PLEKHG6: variants seen among roughly 807,000 people sequenced by gnomAD.
PLEKHG6 encodes the protein pleckstrin homology domain-containing family G member 6.
In PLEKHG6, 91 loss-of-function variants were observed where a neutral mutation model predicts 97.5. The ratio of observed to expected loss-of-function variants is 0.93; its 90% confidence interval spans 0.79 to 1.11. The LOEUF (loss-of-function observed/expected upper bound fraction) is 1.11. Ranked by LOEUF, PLEKHG6 falls within the 50% of genes most tolerant of loss-of-function variation. The pLI, the probability that PLEKHG6 is intolerant of heterozygous loss-of-function variation, is 0.00. For synonymous variants in PLEKHG6, 466 were observed against 425.5 expected, an observed-to-expected ratio of 1.10 and a Z score of -1.17; for missense variants, 1,044 against 1,031.0, an observed-to-expected ratio of 1.01 and a Z score of -0.17.
In PLEKHG6 at chr12:6,327,721, GGGA is replaced by G; in HGVS notation, c.2145_2147del (p.Glu718del). 6.4e-7 allele frequency: 1 copy of G among 1,556,998 alleles called. No individual in the cohort carries two copies. Among genetic ancestry groups the G allele is most frequent in the Non-Finnish European group, 8.7e-7 (1 of 1,154,464 alleles). On this transcript the variant is annotated inframe_deletion, in exon 15 of 16. Coordinates refer to ENST00000684764, the MANE Select transcript of PLEKHG6 (RefSeq NM_001384598.1). ...GGGGAAAGCCCCTGGGAGTCCTCAG[GGGA>G]GGAGGAAGAAGAGGGGCCTCTGTTC...
rs138803770 is a variant in PLEKHG6, at chr12:6,327,380, G to A, written c.1797G>A (p.Thr599=). 3.2e-5 allele frequency: 51 copies of A among 1,613,962 alleles called. No individual in the cohort carries two copies. The African/African-American group carries it at 5.1e-4, about 16-fold the overall frequency. The change falls in exon 15 of 16, where the codon ACG becomes ACA. Residue 599 remains threonine, a synonymous_variant. Coordinates refer to ENST00000684764, the MANE Select transcript of PLEKHG6 (RefSeq NM_001384598.1). ...GYGTLIPGTP[T]GSRSPLSRLR... is the part of the protein sequence containing the mutation. ...GCACTTTGATCCCAGGCACCCCCACGGGGTCCCGCTCCCCACTGAGCCGTC... is the reference window on the plus strand; with the variant it reads ...GCACTTTGATCCCAGGCACCCCCACAGGGTCCCGCTCCCCACTGAGCCGTC...
At position 6,326,526 on chromosome 12, in the gene PLEKHG6, G is replaced by C. The variant is rs916119102; in HGVS notation, c.1623G>C (p.Arg541Ser). The part of the protein sequence containing the change: ...RDQDRESPST[R>S]PSTPSLEGSQ... ...AGGACAGGGAGTCCCCCAGCACCAGGCCCTCCACGCCTTCCCTGGAGGGCT... is the reference window on the plus strand; with the variant it reads ...AGGACAGGGAGTCCCCCAGCACCAGCCCCTCCACGCCTTCCCTGGAGGGCT... Residue 541 changes from arginine to serine, a missense_variant, in exon 14 of 16, where the codon AGG (arginine) becomes AGC (serine). By Grantham distance (110) the Arg-to-Ser change is moderately radical. Transcript: ENST00000684764. 1.8e-5 allele frequency: 28 copies of C among 1,588,084 alleles called. No individual in the cohort carries two copies. The highest frequency in any genetic ancestry group is 2.4e-5 in the Non-Finnish European group (28 of 1,170,340).
rs1947599557 is a variant in PLEKHG6, at chr12:6,318,996, G to T, written c.1412G>T (p.Ser471Ile). The change falls in exon 13 of 16, where the codon AGC becomes ATC. Residue 471 changes from serine (S) to isoleucine (I), a missense_variant. Ser to Ile is a moderately radical substitution (Grantham distance 142). Transcript: ENST00000684764. Reference protein sequence around the residue: ...LVCQPLRDPNSFLLIHLTEFQ... With the variant: ...LVCQPLRDPNIFLLIHLTEFQ... ...GAAGGTTGTCTCCTCCATCCAGACA[G>T]CTTCCTGCTGATCCACCTCACTGAA... is the stretch of plus-strand genomic sequence containing the variant. 2.5e-6 allele frequency: 4 copies of T among 1,613,692 alleles called. No individual in the cohort carries two copies. The highest frequency in any genetic ancestry group is 3.4e-6 in the Non-Finnish European group (4 of 1,179,776).
rs1190396237 is a variant in PLEKHG6 at position 6,316,393 on chromosome 12, G to A, written c.745G>A (p.Gly249Ser). The A allele has an allele frequency of 1.5e-5, 24 of 1,573,110 alleles. No individual in the cohort carries two copies. Among genetic ancestry groups the A allele is most frequent in the Non-Finnish European group, 2.1e-5 (24 of 1,158,774 alleles). Reference protein sequence around the residue: ...QPLDPIGLQSGFLTFGQRFHP... With the variant: ...QPLDPIGLQSSFLTFGQRFHP... ...TCTGGACCCCATTGGTCTGCAAAGT[G>A]GCTTCCTGACGGTGAGGCCTGTGAA... is the stretch of plus-strand genomic sequence containing the variant. Residue 249 changes from glycine (G) to serine (S), a missense_variant, in exon 7 of 16, where the codon GGC becomes AGC. Physicochemically the swap from Gly to Ser is moderately conservative, Grantham distance 56. Coordinates refer to ENST00000684764, the MANE Select transcript of PLEKHG6 (RefSeq NM_001384598.1). This position sits in a 1 kb window ranked among gnomAD's most constrained non-coding sequence, Gnocchi z 4.1.
chr12:6,318,615 G>T, intron 11 of PLEKHG6, 130 bp from the exon 12 acceptor site: 1 of 1,198,616 alleles, frequency 8.3e-7, no homozygotes, highest in East Asian at 2.4e-5. Context: ...CGACGCCCCT[G>T]GCCACTCCCG....
chr12:6,315,732 G>C lies in PLEKHG6; in HGVS notation c.555+83G>C. 1 of 1,209,774 alleles carries C rather than the reference G, an allele frequency of 8.3e-7. No homozygotes were observed. Among genetic ancestry groups the C allele is most frequent in the Non-Finnish European group, 1.2e-6 (1 of 852,850 alleles). 74.9% of individuals were successfully genotyped at this position (1,209,774 alleles called of 1,614,324 possible). ...CCCAGACTGGAAGGCAGGTCACTGG[G>C]GGAGGGAGGGGCAGGATTTCAGGCC... On this transcript the variant is annotated intron_variant, in intron 5 of 15. Coordinates refer to ENST00000684764, the MANE Select transcript of PLEKHG6 (RefSeq NM_001384598.1). This position sits in a 1 kb window ranked among gnomAD's most constrained non-coding sequence, Gnocchi z 4.5.
At position 6,315,293 on chromosome 12, in the gene PLEKHG6, T is replaced by C; in HGVS notation, c.459+124T>C. 1 of 982,942 alleles carries C rather than the reference T, an allele frequency of 1.0e-6. No individual in the cohort carries two copies. The highest frequency in any genetic ancestry group is 1.7e-5 in the South Asian group (1 of 59,134). The allele number at this position is 982,942 out of a possible 1,614,324, so 60.9% of individuals were successfully genotyped here. On this transcript the variant is annotated intron_variant, in intron 4 of 15. Coordinates refer to ENST00000684764, the MANE Select transcript of PLEKHG6 (RefSeq NM_001384598.1). This position sits in a 1 kb window ranked among gnomAD's most constrained non-coding sequence, Gnocchi z 4.5. ...GTGGAAAAAACATCTGGAAACGCGTTGATCTGGGTTCAGATCCCAGCTCTG... is the reference window on the plus strand; with the variant it reads ...GTGGAAAAAACATCTGGAAACGCGTCGATCTGGGTTCAGATCCCAGCTCTG...
At position 6,318,407 on chromosome 12, in the gene PLEKHG6, G is replaced by C; in HGVS notation, c.1262G>C (p.Gly421Ala). Reference protein sequence around the residue: ...LLEGPVRVKEGREGKLDVYLF... With the variant: ...LLEGPVRVKEAREGKLDVYLF... The stretch of plus-strand genomic sequence containing the variant: ...GAGGGGCCTGTGCGAGTGAAGGAGG[G>C]ACGAGAAGGGAAGGTGAGGGTGCTG... Residue 421 changes from glycine to alanine, a missense_variant, in exon 11 of 16, where the codon GGA becomes GCA. Gly to Ala is a moderately conservative substitution (Grantham distance 60). Coordinates refer to ENST00000684764, the MANE Select transcript of PLEKHG6 (RefSeq NM_001384598.1). 6.2e-7 allele frequency: 1 copy of C among 1,609,378 alleles called. No homozygotes were observed. Among genetic ancestry groups the C allele is most frequent in the South Asian group, 1.1e-5 (1 of 90,448 alleles).
Position 6,319,446 on chromosome 12 carries a change from G to A in PLEKHG6, c.1524+338G>A, listed in dbSNP as rs551209428. ...CTGGGTGACAGAGTGAGACCCTGAA[G>A]AAGAAGGAAAAAAAAAAGAATGTAG... On this transcript the variant is annotated intron_variant, in intron 13 of 15. Transcript: ENST00000684764. 653 of 1,242,622 alleles carry A rather than the reference G, an allele frequency of 5.3e-4. 16 individuals are homozygous for A. In the South Asian group the frequency reaches 0.01, roughly 19 times the overall value. The allele number at this position is 1,242,622 out of a possible 1,614,324, so 77.0% of individuals were successfully genotyped here.
At position 6,318,373 on chromosome 12, in the gene PLEKHG6, C is replaced by G. The variant is rs143180033; in HGVS notation, c.1228C>G (p.Leu410Val). The G allele has an allele frequency of 1.1e-5, 17 of 1,613,062 alleles. No homozygotes were observed. The highest frequency in any genetic ancestry group is 1.4e-5 in the Non-Finnish European group (17 of 1,179,632). The change falls in exon 11 of 16, where the codon CTG becomes GTG. Residue 410 changes from leucine (L) to valine (V), a missense_variant. Transcript: ENST00000684764. ...GGTTGCATCTGAGCACACCAGACAG[C>G]TGCTGCTGGAGGGGCCTGTGCGAGT... The part of the protein sequence containing the change: ...LGVASEHTRQ[L>V]LLEGPVRVKE...
At chr12:6,327,141 A>T in intron 14 of PLEKHG6, 113 bp from the exon 15 acceptor site, 2 of 686,368 alleles carry the variant, frequency 2.9e-6, no homozygotes, top group Non-Finnish European at 5.2e-6. Flanking sequence ...CGATGGAAAG[A>T]TGATACCAAA....
chr12:6,312,640 C>G, intron 2 of PLEKHG6: 4 of 1,249,364 alleles, frequency 3.2e-6, no homozygotes, highest in Non-Finnish European at 4.0e-6. Flanking sequence ...CAAAGAGCTG[C>G]GGGTAAGGTC....
rs138581701 is a variant in PLEKHG6 at position 6,313,730 on chromosome 12, G to C, written c.240G>C (p.Glu80Asp). 3.1e-6 allele frequency: 5 copies of C among 1,611,268 alleles called. No individual in the cohort carries two copies. The African/African-American group carries it at 6.7e-5, about 22-fold the overall frequency. Residue 80 changes from glutamate to aspartate, a missense_variant, in exon 3 of 16, where the codon GAG (glutamate) becomes GAC (aspartate). Glu to Asp is a conservative substitution (Grantham distance 45). Coordinates refer to ENST00000684764, the MANE Select transcript of PLEKHG6 (RefSeq NM_001384598.1). ...SPMRLRDPEP[E>D]KRHGGHVGAG... Reference sequence around the variant, plus strand: ...TGAGACTGCGAGATCCAGAGCCCGAGAAGAGGCACGGGGGCCATGTGGGGG... The same window carrying C: ...TGAGACTGCGAGATCCAGAGCCCGACAAGAGGCACGGGGGCCATGTGGGGG...
chr12:6,327,470 C>T lies in PLEKHG6; in HGVS notation c.1887C>T (p.Ile629=). 1 of 1,612,064 alleles carries T rather than the reference C, an allele frequency of 6.2e-7. No homozygotes were observed. Among genetic ancestry groups the T allele is most frequent in the Non-Finnish European group, 8.5e-7 (1 of 1,178,550 alleles). Residue 629 remains isoleucine, a synonymous_variant, in exon 15 of 16, where the codon ATC becomes ATT. Transcript: ENST00000684764. ...TCTCCACCCTGGAACTCCGGGACAT[C>T]CCTCTGCGTCCCCACCCTCCCGACC... ...LTFSTLELRD[I]PLRPHPPDPQ... is the part of the protein sequence containing the mutation.
chr12:6,318,099 G>T, intron 10 of PLEKHG6, 105 bp downstream of exon 10: 1 of 1,411,412 alleles, frequency 7.1e-7, no homozygotes, highest in Non-Finnish European at 9.6e-7. Context: ...TGCTACAAGG[G>T]TGTCCATCAT....
At position 6,316,831 on chromosome 12, in the gene PLEKHG6, G is replaced by C. The variant is rs1289268864; in HGVS notation, c.756+427G>C. The stretch of plus-strand genomic sequence containing the variant: ...TTCTTCTACAATGTTACCTAGCCAG[G>C]AAAATGTGGGCCCTGCAGGAAAAAG... On this transcript the variant is annotated intron_variant, in intron 7 of 15. Coordinates refer to ENST00000684764, the MANE Select transcript of PLEKHG6 (RefSeq NM_001384598.1). This position sits in a 1 kb window ranked among gnomAD's most constrained non-coding sequence, Gnocchi z 4.1. 6.6e-6 allele frequency among the ~76,000 whole-genome samples: 1 copy of C among 152,198 alleles called. No homozygotes were observed. The highest frequency in any genetic ancestry group is 1.5e-5 in the Non-Finnish European group (1 of 68,032).
In PLEKHG6 at chr12:6,315,179, A is replaced by C; in HGVS notation, c.459+10A>C. On this transcript the variant is annotated intron_variant, in intron 4 of 15. Coordinates refer to ENST00000684764, the MANE Select transcript of PLEKHG6 (RefSeq NM_001384598.1). The surrounding 1 kb of genome is among the most constrained non-coding windows in gnomAD (Gnocchi z 4.5). ...GGTGCCTGGGCACAAGGTGAGCCTG[A>C]AACTCACAAGGTGAGTCTGTCCCCA... The C allele has an allele frequency of 1.2e-6, 2 of 1,608,332 alleles. No individual in the cohort carries two copies. Among genetic ancestry groups the C allele is most frequent in the Middle Eastern group, 3.3e-4 (2 of 6,042 alleles).
chr12:6,321,434 CAGG>C (rs1353189364), intron 13 of PLEKHG6, among the ~76,000 whole-genome samples: 2 of 152,048 alleles, frequency 1.3e-5, no homozygotes, highest in Non-Finnish European at 2.9e-5. Flanking sequence ...AAATTGGTGA[CAGG>C]AGGTTTATTG....
At position 6,312,239 on chromosome 12, in the gene PLEKHG6, G is replaced by T; in HGVS notation, c.13G>T (p.Gly5Cys). The change falls in exon 2 of 16, where the codon GGT becomes TGT. Residue 5 changes from glycine (G) to cysteine (C), a missense_variant. Physicochemically the swap from Gly to Cys is radical, Grantham distance 159. Coordinates refer to ENST00000684764, the MANE Select transcript of PLEKHG6 (RefSeq NM_001384598.1). MKAF[G>C]PPHEGPLQGL... Reference sequence around the variant, plus strand: ...CAGGAGAGAAGGGATGAAGGCCTTTGGTCCTCCACATGAGGGCCCCCTCCA... The same window carrying T: ...CAGGAGAGAAGGGATGAAGGCCTTTTGTCCTCCACATGAGGGCCCCCTCCA... The T allele has an allele frequency of 2.0e-6, 3 of 1,525,682 alleles. No individual in the cohort carries two copies. The South Asian group carries it at 3.9e-5, about 20-fold the overall frequency. 94.5% of individuals were successfully genotyped at this position (1,525,682 alleles called of 1,614,324 possible). A position where few individuals can be genotyped will look rare whatever the true frequency, so the allele number is the denominator to read the frequency against.
Sources: allele counts gnomAD v4.1 joint callset (sites outside exome capture counted in the v4.1 genomes callset), GRCh38; gene constraint gnomAD v4.1.1; non-coding constraint Gnocchi (gnomAD v3.1); transcripts MANE v1.5; gene names NCBI Gene and HGNC (gene_info 2026-07-23, HGNC 2026-07-21).